PTCD1: variants seen among roughly 807,000 people sequenced by gnomAD.
PTCD1 encodes the protein pentatricopeptide repeat domain 1.
Under a neutral mutation model 53.4 loss-of-function variants are expected in PTCD1, and 50 were observed. The observed-to-expected ratio is 0.94, with a 90% CI of 0.75 to 1.19. The LOEUF (loss-of-function observed/expected upper bound fraction) is 1.19. Among genes scored for constraint, PTCD1 ranks in the 50% most tolerant of loss-of-function variants. The pLI, the probability that PTCD1 is intolerant of heterozygous loss-of-function variation, is 0.00. For missense variants in PTCD1, 918 were observed against 904.8 expected, an observed-to-expected ratio of 1.01 and a Z score of -0.19; for synonymous variants, 413 against 394.8, an observed-to-expected ratio of 1.05 and a Z score of -0.55.
Position 99,438,675 on chromosome 7 carries a change from A to C in PTCD1, c.-27+17T>G. ...CCCGGGTCCCGGGGCTCCTGCGAGGATCACACAGGAACTCACTTGAAGTGT... is the reference window on the plus strand; with the variant it reads ...CCCGGGTCCCGGGGCTCCTGCGAGGCTCACACAGGAACTCACTTGAAGTGT... On this transcript the variant is annotated intron_variant, in intron 1 of 7. Coordinates refer to ENST00000292478, the MANE Select transcript of PTCD1 (RefSeq NM_015545.4). 1 of 1,253,624 alleles carries C rather than the reference A, an allele frequency of 8.0e-7. No homozygotes were observed. The highest frequency in any genetic ancestry group is 1.3e-5 in the South Asian group (1 of 76,642). The allele number at this position is 1,253,624 out of a possible 1,614,324, so 77.7% of individuals were successfully genotyped here.
At position 99,417,766 on chromosome 7, in the gene PTCD1, C is replaced by G. The variant is rs559907081; in HGVS notation, c.*2201G>C. On this transcript the variant is annotated 3_prime_UTR_variant, in exon 8 of 8. Coordinates refer to ENST00000292478, the MANE Select transcript of PTCD1 (RefSeq NM_015545.4). Reference sequence around the variant, plus strand: ...CCTGTATTCAGGAATCCATGTGAGGCAGCGTGTGGCTGTGTGTTTGTTAGG... The same window carrying G: ...CCTGTATTCAGGAATCCATGTGAGGGAGCGTGTGGCTGTGTGTTTGTTAGG... 7.8e-6 allele frequency: 12 copies of G among 1,532,358 alleles called. No homozygotes were observed. In the Admixed American group the frequency reaches 2.0e-4, roughly 25 times the overall value. The allele number at this position is 1,532,358 out of a possible 1,614,324, so 94.9% of individuals were successfully genotyped here.
intron 7 of PTCD1, 72 bp from the exon 8 acceptor site, chr7:99,420,221 C>G (rs2150943877): frequency 6.2e-7 from 1 of 1,604,380 alleles, no homozygotes; most frequent in Non-Finnish European, 8.5e-7. Context: ...GCAGCTGGCT[C>G]AGGCCTCAGG....
intron 4 of PTCD1, 141 bp downstream of exon 4, chr7:99,429,447 T>C: frequency 7.6e-7 from 1 of 1,315,346 alleles, no homozygotes. Context: ...ATCAGATCCA[T>C]CTGTGAACCC....
rs1584462151 is a variant in PTCD1 at position 99,429,739 on chromosome 7, G to C, written c.662C>G (p.Ser221Cys). 3 of 1,614,228 alleles carry C rather than the reference G, an allele frequency of 1.9e-6. No homozygotes were observed. The highest frequency in any genetic ancestry group is 2.5e-6 in the Non-Finnish European group (3 of 1,180,038). The stretch of plus-strand genomic sequence containing the variant: ...CTGTAGAGCTGAGTCCTTCCAGGGG[G>C]ACTCGGCACAGACGTTGAACAGGGC... ...YTALFNVCAE[S>C]PWKDSALQSA... is the part of the protein sequence containing the mutation. The change falls in exon 4 of 8, where the codon TCC becomes TGC. Residue 221 changes from serine to cysteine, a missense_variant. Transcript: ENST00000292478.
At chr7:99,432,719 G>A (rs376262328) in intron 3 of PTCD1, among the ~76,000 whole-genome samples, 11 of 152,212 alleles carry the variant, frequency 7.2e-5, no homozygotes, top group African/African-American at 1.7e-4. Flanking sequence ...TCAGTCTCTC[G>A]TCCCACCTGA....
intron 5 of PTCD1, among the ~76,000 whole-genome samples, chr7:99,427,350 A>C (rs1212120429): frequency 1.2e-5 from 1 of 86,560 alleles, no homozygotes; most frequent in East Asian, 3.6e-4. Context: ...TCCGGGAGGG[A>C]GGTGGGGGGT....
At position 99,424,887 on chromosome 7, in the gene PTCD1, T is replaced by C; in HGVS notation, c.1645A>G (p.Arg549Gly). 6.2e-7 allele frequency: 1 copy of C among 1,614,262 alleles called. No homozygotes were observed. Among genetic ancestry groups the C allele is most frequent in the Non-Finnish European group, 8.5e-7 (1 of 1,180,038 alleles). The change falls in exon 6 of 8, where the codon AGG becomes GGG. Residue 549 changes from arginine (R) to glycine (G), a missense_variant. Transcript: ENST00000292478. ...GTCTGCAGGTTGGGGACGAGGCCCC[T>C]CTTTGCCAGGACCGGCAACAGCGCC... ...AKALLPVLAKRGLVPNLQTFC... is the reference protein window; with the variant it reads ...AKALLPVLAKGGLVPNLQTFC...
chr7:99,425,518 C>G lies in PTCD1; in HGVS notation c.1014G>C (p.Gln338His), dbSNP rs756702451. 5 of 1,612,378 alleles carry G rather than the reference C, an allele frequency of 3.1e-6. No individual in the cohort carries two copies. The highest frequency in any genetic ancestry group is 1.1e-5 in the South Asian group (1 of 91,042). Residue 338 changes from glutamine (Q) to histidine (H), a missense_variant, in exon 6 of 8, where the codon CAG (glutamine) becomes CAC (histidine). Coordinates refer to ENST00000292478, the MANE Select transcript of PTCD1 (RefSeq NM_015545.4). ...AARDCGLGDP[Q>H]VASELLLKPR... ...GCTTCAGAAGCAGCTCTGAGGCCAC[C>G]TGGGGGTCCCCTAGGCCACAGTCCC...
rs893894663 is a variant in PTCD1, at chr7:99,425,694, C to A, written c.916-78G>T. ...GCAGGGCTCACGCCTGGAATCCCAGCACCTTGGGAGTTTTAGATGGGAGGA... is the reference window on the plus strand; with the variant it reads ...GCAGGGCTCACGCCTGGAATCCCAGAACCTTGGGAGTTTTAGATGGGAGGA... On this transcript the variant is annotated intron_variant, in intron 5 of 7. Coordinates refer to ENST00000292478, the MANE Select transcript of PTCD1 (RefSeq NM_015545.4). 3.9e-6 allele frequency: 6 copies of A among 1,528,990 alleles called. No homozygotes were observed. In the African/African-American group the frequency reaches 6.9e-5, roughly 17 times the overall value. 94.7% of individuals were successfully genotyped at this position (1,528,990 alleles called of 1,614,324 possible). A position where few individuals can be genotyped will look rare whatever the true frequency, so the allele number is the denominator to read the frequency against.
At position 99,424,923 on chromosome 7, in the gene PTCD1, C is replaced by T. The variant is rs1228974766; in HGVS notation, c.1609G>A (p.Glu537Lys). ...ACCGGCAACAGCGCCTTGGCCCCCTCCAGGTCTCCCAGCTTGCTCTTCTTT... is the reference window on the plus strand; with the variant it reads ...ACCGGCAACAGCGCCTTGGCCCCCTTCAGGTCTCCCAGCTTGCTCTTCTTT... ...VRKKSKLGDLEGAKALLPVLA... is the reference protein window; with the variant it reads ...VRKKSKLGDLKGAKALLPVLA... The change falls in exon 6 of 8, where the codon GAG (glutamate) becomes AAG (lysine). Residue 537 changes from glutamate (E) to lysine (K), a missense_variant. Physicochemically the swap from Glu to Lys is moderately conservative, Grantham distance 56. Coordinates refer to ENST00000292478, the MANE Select transcript of PTCD1 (RefSeq NM_015545.4). 6.2e-7 allele frequency: 1 copy of T among 1,614,276 alleles called. No homozygotes were observed. The highest frequency in any genetic ancestry group is 8.5e-7 in the Non-Finnish European group (1 of 1,180,052).
intron 3 of PTCD1, chr7:99,432,925 T>A (rs987384004): frequency 7.6e-6 from 3 of 396,628 alleles, no homozygotes; most frequent in Non-Finnish European, 1.4e-5. Flanking sequence ...GCTACACACC[T>A]GTGCTCACAG....
At chr7:99,430,941 G>C (rs369821395) in intron 3 of PTCD1, among the ~76,000 whole-genome samples, 10 of 152,170 alleles carry the variant, frequency 6.6e-5, no homozygotes, top group African/African-American at 1.7e-4. Context: ...CAGGCATGGT[G>C]GTGGGCGCCT....
At position 99,424,958 on chromosome 7, in the gene PTCD1, G is replaced by C. The variant is rs372661598; in HGVS notation, c.1574C>G (p.Thr525Arg). ...QVEADLTFFN[T>R]LVRKKSKLGD... Reference sequence around the variant, plus strand: ...CAGCTTGCTCTTCTTTCTCACCAGCGTGTTAAAGAATGTCAGGTCGGCCTC... The same window carrying C: ...CAGCTTGCTCTTCTTTCTCACCAGCCTGTTAAAGAATGTCAGGTCGGCCTC... Residue 525 changes from threonine (T) to arginine (R), a missense_variant, in exon 6 of 8, where the codon ACG (threonine) becomes AGG (arginine). Coordinates refer to ENST00000292478, the MANE Select transcript of PTCD1 (RefSeq NM_015545.4). 1 of 1,614,108 alleles carries C rather than the reference G, an allele frequency of 6.2e-7. No homozygotes were observed. Among genetic ancestry groups the C allele is most frequent in the East Asian group, 2.2e-5 (1 of 44,890 alleles).
intron 3 of PTCD1, among the ~76,000 whole-genome samples, chr7:99,431,194 C>T (rs1035792068): frequency 3.3e-5 from 5 of 151,718 alleles, no homozygotes; most frequent in African/African-American, 9.7e-5. Context: ...GGCGTGATCT[C>T]GGCTCACTAC....
chr7:99,432,583 T>TGC lies in PTCD1; in HGVS notation c.594+693_594+694dup, dbSNP rs1270990701. Among the ~76,000 whole-genome samples the TGC allele has an allele frequency of 3.9e-5, 6 of 152,308 alleles. No individual in the cohort carries two copies. In the East Asian group the frequency reaches 1.2e-3, roughly 29 times the overall value. On this transcript the variant is annotated intron_variant, in intron 3 of 7. Coordinates refer to ENST00000292478, the MANE Select transcript of PTCD1 (RefSeq NM_015545.4). ...TGAGGGAACTCAAGAGACCAGTGCC[T>TGC]GCGCAGCGCAGGTCCTCCGTATGCG...
chr7:99,425,506 C>T lies in PTCD1; in HGVS notation c.1026G>A (p.Glu342=). 6.2e-7 allele frequency: 1 copy of T among 1,612,588 alleles called. No homozygotes were observed. The highest frequency in any genetic ancestry group is 8.5e-7 in the Non-Finnish European group (1 of 1,179,388). ...CCTCCTCCCTGGGCTTCAGAAGCAG[C>T]TCTGAGGCCACCTGGGGGTCCCCTA... The part of the protein sequence containing the change: ...CGLGDPQVAS[E]LLLKPREEAT... Residue 342 remains glutamate (E), a synonymous_variant, in exon 6 of 8, where the codon GAG becomes GAA. Transcript: ENST00000292478.
chr7:99,419,000 C>T lies in PTCD1; in HGVS notation c.*967G>A, dbSNP rs954181768. 7.1e-5 allele frequency: 17 copies of T among 238,764 alleles called. No homozygotes were observed. Among genetic ancestry groups the T allele is most frequent in the Non-Finnish European group, 1.3e-4 (15 of 119,484 alleles). The allele number at this position is 238,764 out of a possible 1,614,324, so 14.8% of individuals were successfully genotyped here. ...AGTGCATAGTCTCCTGCCCTCTTCC[C>T]CCACCAGAGTGTACCAGCCCAGAGG... On this transcript the variant is annotated 3_prime_UTR_variant, in exon 8 of 8. Coordinates refer to ENST00000292478, the MANE Select transcript of PTCD1 (RefSeq NM_015545.4).
rs2150935121 is a variant in PTCD1 at position 99,417,059 on chromosome 7, G to A, written c.*2908C>T. On this transcript the variant is annotated 3_prime_UTR_variant, in exon 8 of 8. Transcript: ENST00000292478. The stretch of plus-strand genomic sequence containing the variant: ...CCAAGGACTGTCCCGTTGCAATACT[G>A]AATGCCTTTTTTTTTTTGAGATGGA... The A allele has an allele frequency of 4.2e-6, 1 of 237,134 alleles. No individual in the cohort carries two copies. Among genetic ancestry groups the A allele is most frequent in the South Asian group, 4.5e-5 (1 of 22,080 alleles). 14.7% of individuals were successfully genotyped at this position (237,134 alleles called of 1,614,324 possible).
In PTCD1 at chr7:99,419,569, C is replaced by T. The variant is rs1584447886; in HGVS notation, c.*398G>A. 2 of 1,045,562 alleles carry T rather than the reference C, an allele frequency of 1.9e-6. No individual in the cohort carries two copies. The highest frequency in any genetic ancestry group is 2.4e-5 in the East Asian group (1 of 41,540). The allele number at this position is 1,045,562 out of a possible 1,614,324, so 64.8% of individuals were successfully genotyped here. On this transcript the variant is annotated 3_prime_UTR_variant, in exon 8 of 8. Transcript: ENST00000292478. ...CACGGTCTCTATGGGGAAGGCTTCG[C>T]TGTCTATCAGCTGTGATTTGTAAAA...
Sources: allele counts gnomAD v4.1 joint callset (sites outside exome capture counted in the v4.1 genomes callset), GRCh38; gene constraint gnomAD v4.1.1; transcripts MANE v1.5; gene names NCBI Gene and HGNC (gene_info 2026-07-23, HGNC 2026-07-21).